Variants in FABP1 observed in about 807,000 individuals in gnomAD.
The protein encoded by FABP1 is fatty acid binding protein 1.
FABP1 carries 13 observed loss-of-function variants against 13.7 expected under a neutral mutation model. The observed-to-expected ratio is 0.95, with a 90% CI of 0.62 to 1.51. The LOEUF is 1.51. Among genes scored for constraint, FABP1 ranks in the 40% most tolerant of loss-of-function variants. The probability of loss-of-function intolerance (pLI) is 0.00; values close to 1 mark genes in which losing one functional copy is unlikely to be tolerated. For missense variants in FABP1, 140 were observed against 155.7 expected, an observed-to-expected ratio of 0.90 and a Z score of 0.54; for synonymous variants, 48 against 59.8, an observed-to-expected ratio of 0.80 and a Z score of 0.91.
rs138354198 is a variant in FABP1, at chr2:88,126,342, G to A, written c.74C>T (p.Pro25Leu). ...CTTCCCCTTCTGGATGAGCTCTTCC[G>A]GCAGACCTGGTGGAAACCGTCTGAG... ...FEAFMKAIGL[P>L]EELIQKGKDI... The change falls in exon 2 of 4, where the codon CCG (proline) becomes CTG (leucine). Residue 25 changes from proline to leucine, a missense_variant. By Grantham distance (98) the Pro-to-Leu change is moderately conservative. Coordinates refer to ENST00000295834, the MANE Select transcript of FABP1 (RefSeq NM_001443.3). 12 of 1,613,012 alleles carry A rather than the reference G, an allele frequency of 7.4e-6. No homozygotes were observed. The highest frequency in any genetic ancestry group is 1.1e-5 in the South Asian group (1 of 91,008).
chr2:88,126,468 G>C (rs1558866517), intron 1 of FABP1, 120 bp from the exon 2 acceptor site: 1 of 1,046,052 alleles, frequency 9.6e-7, no homozygotes, highest in Non-Finnish European at 1.4e-6. Context: ...GTCTCCCAAG[G>C]GGCCACAGAA....
intron 2 of FABP1, among the ~76,000 whole-genome samples, chr2:88,125,133 C>T (rs918163564): frequency 1.4e-4 from 21 of 152,052 alleles, no homozygotes; most frequent in Middle Eastern, 3.4e-3. Context: ...CTTCCCAGAG[C>T]GTTAACTTTT....
intron 1 of FABP1, among the ~76,000 whole-genome samples, chr2:88,127,026 G>C (rs1418202449): frequency 6.6e-6 from 1 of 152,210 alleles, no homozygotes; most frequent in Non-Finnish European, 1.5e-5. Context: ...CTTGCCTGCA[G>C]AAGATCCTTC....
At chr2:88,124,451 C>T (rs1327198814) in intron 3 of FABP1, 43 bp downstream of exon 3, 1 of 1,498,252 alleles carries the variant, frequency 6.7e-7, no homozygotes, top group Non-Finnish European at 9.2e-7. Context: ...CCCCTCTCCC[C>T]TCAAGCACTG....
intron 2 of FABP1, among the ~76,000 whole-genome samples, chr2:88,125,452 G>T (rs553878011): frequency 6.6e-6 from 1 of 152,256 alleles, no homozygotes; most frequent in South Asian, 2.1e-4. Context: ...CTAGAGCATG[G>T]AGTGTTTCAG....
chr2:88,125,088 G>T (rs1675272614), intron 2 of FABP1, among the ~76,000 whole-genome samples: 1 of 151,686 alleles, frequency 6.6e-6, no homozygotes, highest in Non-Finnish European at 1.5e-5. Flanking sequence ...GGGATTGTAG[G>T]CATGAGCCAC....
At chr2:88,127,441 T>C (rs1452774858) in intron 1 of FABP1, among the ~76,000 whole-genome samples, 1 of 152,170 alleles carries the variant, frequency 6.6e-6, no homozygotes, top group African/African-American at 2.4e-5. Flanking sequence ...CCCAGCTTAG[T>C]TTTTTGGCAA....
At chr2:88,123,796 CAGG>C (rs1675246670) in intron 3 of FABP1, 1 of 152,310 alleles carries the variant, frequency 6.6e-6, no homozygotes, top group Admixed American at 6.5e-5. Flanking sequence ...TCGAAGGAGA[CAGG>C]AGGATTAGGT....
intron 1 of FABP1, 115 bp downstream of exon 1, chr2:88,127,836 A>G: frequency 9.4e-7 from 1 of 1,067,626 alleles, no homozygotes; most frequent in Non-Finnish European, 1.5e-6. Context: ...TAGTTTGTGT[A>G]TATAGCCTGA....
intron 3 of FABP1, 35 bp from the exon 4 acceptor site, chr2:88,123,139 C>T (rs2104033033): frequency 6.4e-7 from 1 of 1,574,610 alleles, no homozygotes; most frequent in Non-Finnish European, 8.7e-7. Flanking sequence ...AAGTGTTCAT[C>T]TGATGTTGTA....
intron 1 of FABP1, among the ~76,000 whole-genome samples, 161 bp downstream of exon 1, chr2:88,127,790 G>C (rs1343419479): frequency 6.6e-6 from 1 of 152,158 alleles, no homozygotes. Context: ...GTGAGGACTT[G>C]CTGCAAATAA....
rs113625335 is a variant in FABP1, at chr2:88,124,589, G to A, written c.241-3C>T. On this transcript the variant is annotated splice_region_variant and splice_polypyrimidine_tract_variant and intron_variant, in intron 2 of 3. Coordinates refer to ENST00000295834, the MANE Select transcript of FABP1 (RefSeq NM_001443.3). ...TCACCTTCCAACTGAACCACTGTCT[G>A]CAGGGAACAGAGAGGTGACCTGTGA... 6.2e-7 allele frequency: 1 copy of A among 1,608,062 alleles called. No individual in the cohort carries two copies. Among genetic ancestry groups the A allele is most frequent in the Non-Finnish European group, 8.5e-7 (1 of 1,176,294 alleles).
In FABP1 at chr2:88,124,484, A is replaced by T. The variant is rs1163502612; in HGVS notation, c.333+10T>A. 1.9e-6 allele frequency: 3 copies of T among 1,604,270 alleles called. No individual in the cohort carries two copies. The Admixed American group carries it at 5.1e-5, about 27-fold the overall frequency. ...CTGGGAGCCACACGCTCAGAGCACC[A>T]CCAACTTACATTGGTGATTATGTCG... On this transcript the variant is annotated intron_variant, in intron 3 of 3. Coordinates refer to ENST00000295834, the MANE Select transcript of FABP1 (RefSeq NM_001443.3).
chr2:88,126,376 A>G, intron 1 of FABP1, 28 bp from the exon 2 acceptor site: 1 of 1,606,422 alleles, frequency 6.2e-7, no homozygotes, highest in Non-Finnish European at 8.5e-7. Context: ...AGGTTTAGAT[A>G]TGGGCAGAGG....
chr2:88,124,478 A>G lies in FABP1; in HGVS notation c.333+16T>C. 1 of 1,600,120 alleles carries G rather than the reference A, an allele frequency of 6.2e-7. No individual in the cohort carries two copies. Among genetic ancestry groups the G allele is most frequent in the Non-Finnish European group, 8.5e-7 (1 of 1,171,672 alleles). On this transcript the variant is annotated intron_variant, in intron 3 of 3. Transcript: ENST00000295834. ...CAAGCACTGGGAGCCACACGCTCAG[A>G]GCACCACCAACTTACATTGGTGATT... is the stretch of plus-strand genomic sequence containing the variant.
Position 88,124,509 on chromosome 2 carries a change from G to A in FABP1, c.318C>T (p.Gly106=), listed in dbSNP as rs773405309. ...KNIKSVTELN[G]DIITNTMTLG... Reference sequence around the variant, plus strand: ...ACCAACTTACATTGGTGATTATGTCGCCGTTGAGTTCGGTCACAGACTTGA... The same window carrying A: ...ACCAACTTACATTGGTGATTATGTCACCGTTGAGTTCGGTCACAGACTTGA... The change falls in exon 3 of 4, where the codon GGC becomes GGT. Residue 106 remains glycine (G), a synonymous_variant. Coordinates refer to ENST00000295834, the MANE Select transcript of FABP1 (RefSeq NM_001443.3). 105 of 1,606,116 alleles carry A rather than the reference G, an allele frequency of 6.5e-5. No homozygotes were observed. In the East Asian group the frequency reaches 1.5e-3, roughly 22 times the overall value.
At chr2:88,124,313 G>A (rs972757656) in intron 3 of FABP1, 181 bp downstream of exon 3, 2 of 545,264 alleles carry the variant, frequency 3.7e-6, no homozygotes, top group Admixed American at 7.7e-5. Context: ...GATAATGTGT[G>A]TAAACTGCCT....
chr2:88,124,689 A>G (rs942902422), intron 2 of FABP1, 103 bp from the exon 3 acceptor site: 1 of 750,152 alleles, frequency 1.3e-6, no homozygotes, highest in African/African-American at 1.8e-5. Flanking sequence ...CATAACAACC[A>G]AAATGCTCTG....
At position 88,125,134 on chromosome 2, in the gene FABP1, G is replaced by A. The variant is rs185201348; in HGVS notation, c.241-548C>T. 6.7e-4 allele frequency among the ~76,000 whole-genome samples: 102 copies of A among 152,032 alleles called. No homozygotes were observed. The South Asian group carries it at 7.5e-3, about 11-fold the overall frequency. ...AGGTATGTATTATTCTTCCCAGAGCGTTAACTTTTCATATTGTGGCCTCCT... is the reference window on the plus strand; with the variant it reads ...AGGTATGTATTATTCTTCCCAGAGCATTAACTTTTCATATTGTGGCCTCCT... On this transcript the variant is annotated intron_variant, in intron 2 of 3. Transcript: ENST00000295834.
Sources: gnomAD v4.1 joint callset for allele counts (sites outside exome capture counted in the v4.1 genomes callset) on GRCh38, gnomAD v4.1.1 for gene constraint, MANE v1.5 for transcripts, NCBI Gene and HGNC (gene_info 2026-07-23, HGNC 2026-07-21) for gene names.